MICAL2: variants seen among roughly 807,000 people sequenced by gnomAD.
MICAL2 encodes the protein [F-actin]-monooxygenase MICAL2.
MICAL2 carries 77 observed loss-of-function variants against 127.3 expected under a neutral mutation model. The ratio of observed to expected loss-of-function variants is 0.60; its 90% CI spans 0.50 to 0.73. MICAL2 has a LOEUF of 0.73. Among genes scored for constraint, MICAL2 ranks in the 30% least tolerant of loss-of-function variants. The pLI is 0.00. For missense variants in MICAL2, 1,351 were observed against 1,434.4 expected, an observed-to-expected ratio of 0.94 and a Z score of 0.94; for synonymous variants, 570 against 551.1, an observed-to-expected ratio of 1.03 and a Z score of -0.48.
intron 2 of MICAL2, among the ~76,000 whole-genome samples, chr11:12,158,944 C>T (rs1411313586): frequency 6.6e-6 from 1 of 152,206 alleles, no homozygotes; most frequent in Non-Finnish European, 1.5e-5. Flanking sequence ...GTGTTAGAGT[C>T]ATTTTTAAGG....
At chr11:12,258,151 C>T (rs1308142773) in intron 24 of MICAL2, among the ~76,000 whole-genome samples, 2 of 152,124 alleles carry the variant, frequency 1.3e-5, no homozygotes, top group East Asian at 3.9e-4. Flanking sequence ...AGAAGGGGCT[C>T]AGAGCTCCCA....
chr11:12,187,561 C>T (rs536894969), intron 3 of MICAL2, among the ~76,000 whole-genome samples: 2 of 152,296 alleles, frequency 1.3e-5, no homozygotes, highest in East Asian at 1.9e-4. Context: ...TCCCAGGCAG[C>T]GGCCTCAGCT....
intron 12 of MICAL2, among the ~76,000 whole-genome samples, chr11:12,224,111 A>G (rs907699167): frequency 6.6e-6 from 1 of 152,074 alleles, no homozygotes; most frequent in Non-Finnish European, 1.5e-5. Flanking sequence ...ACCACTTACC[A>G]TAATCAACCA....
At chr11:12,361,138 C>A (rs1939199123), downstream of MICAL2, among the ~76,000 whole-genome samples, 1 of 152,158 alleles carries the variant, frequency 6.6e-6, no homozygotes. Context: ...ACAGAAAGCC[C>A]AGCCTCAGGT....
chr11:12,263,883 C>G (rs1438556684), downstream of MICAL2: 1 of 152,402 alleles, frequency 6.6e-6, no homozygotes, highest in Non-Finnish European at 1.5e-5. Flanking sequence ...GCTGGCGGGA[C>G]TTGCACTTGA....
At chr11:12,237,555 T>C (rs546177668) in intron 16 of MICAL2, among the ~76,000 whole-genome samples, 18 of 152,284 alleles carry the variant, frequency 1.2e-4, no homozygotes, top group African/African-American at 4.3e-4. Flanking sequence ...CATGGCTTAT[T>C]TATTTAAGGG....
chr11:12,255,078 C>T (rs886838854), intron 22 of MICAL2: 1 of 153,594 alleles, frequency 6.5e-6, no homozygotes, highest in Non-Finnish European at 1.4e-5. Context: ...ACCACCATGC[C>T]TGGCTAATTT....
intron 3 of MICAL2, among the ~76,000 whole-genome samples, chr11:12,185,463 G>C (rs114778030): frequency 2.6e-5 from 4 of 151,968 alleles, no homozygotes; most frequent in Admixed American, 1.3e-4. Flanking sequence ...CAAGCCACTC[G>C]TGCTTCCTTC....
At chr11:12,259,924 G>A (rs768084378) in intron 26 of MICAL2, 27 bp downstream of exon 26, 1 of 1,610,550 alleles carries the variant, frequency 6.2e-7, no homozygotes, top group Non-Finnish European at 8.5e-7. Flanking sequence ...CTTTAGGAAG[G>A]TGCTGGGCTG....
rs762709283 is a variant in MICAL2 at position 12,221,700 on chromosome 11, G to A, written c.1263G>A (p.Thr421=). The change falls in exon 10 of 28, where the codon ACG becomes ACA. Residue 421 remains threonine (T), a synonymous_variant. Coordinates refer to ENST00000683283, the MANE Select transcript of MICAL2 (RefSeq NM_001282663.2). The part of the protein sequence containing the change: ...CARGFLAAFD[T]AWMVKSWNQG... ...GTGGCTTCCTGGCAGCCTTTGACAC[G>A]GCATGGATGGTGAAGAGCTGGAACC... 13 of 1,613,954 alleles carry A rather than the reference G, an allele frequency of 8.1e-6. No individual in the cohort carries two copies. Among genetic ancestry groups the A allele is most frequent in the Non-Finnish European group, 8.5e-6 (10 of 1,179,930 alleles).
chr11:12,252,648 A>G (rs993274625), intron 22 of MICAL2: 1 of 152,252 alleles, frequency 6.6e-6, no homozygotes, highest in Non-Finnish European at 1.5e-5. Context: ...GCTGGAAGCC[A>G]GTGAGTTAGC....
Sources: allele counts gnomAD v4.1 joint callset (sites outside exome capture counted in the v4.1 genomes callset), GRCh38; gene constraint gnomAD v4.1.1; transcripts MANE v1.5; gene names NCBI Gene and HGNC (gene_info 2026-07-23, HGNC 2026-07-21).